Variants in NADK2 observed in about 807,000 individuals in gnomAD.
NADK2 encodes NAD kinase 2, mitochondrial.
NADK2 carries 35 observed loss-of-function variants against 62.1 expected under a neutral mutation model. That is an observed-to-expected ratio of 0.56 (90% CI 0.43 to 0.75). NADK2 has a LOEUF of 0.75. NADK2 is among the 30% of genes least tolerant of loss of function. The probability of loss-of-function intolerance (pLI) is 0.00; values close to 1 mark genes in which losing one functional copy is unlikely to be tolerated. For synonymous variants in NADK2, 205 were observed against 207.9 expected, an observed-to-expected ratio of 0.99 and a Z score of 0.12; for missense variants, 439 against 561.3, an observed-to-expected ratio of 0.78 and a Z score of 2.20.
chr5:36,217,388 A>C (rs964260905), intron 6 of NADK2, among the ~76,000 whole-genome samples: 2 of 152,154 alleles, frequency 1.3e-5, no homozygotes, highest in Admixed American at 6.5e-5. Context: ...TAACTATATA[A>C]CATGTATAAC....
In NADK2 at chr5:36,241,364, G is replaced by A. The variant is rs576449202; in HGVS notation, c.300+135C>T. ...CCAGGGAGAAGCCAGAGGACCTGGG[G>A]GCCGCGAGAGAGGCAGGACCGGCAT... On this transcript the variant is annotated intron_variant, in intron 1 of 11. Transcript: ENST00000381937. This position sits in a 1 kb window ranked among gnomAD's most constrained non-coding sequence, Gnocchi z 4.9. 32 of 1,338,628 alleles carry A rather than the reference G, an allele frequency of 2.4e-5. No homozygotes were observed. The South Asian group carries it at 5.1e-4, about 21-fold the overall frequency. 82.9% of individuals were successfully genotyped at this position (1,338,628 alleles called of 1,614,324 possible).
At position 36,205,722 on chromosome 5, in the gene NADK2, G is replaced by T. The variant is rs1458317570; in HGVS notation, c.956+1448C>A. Reference sequence around the variant, plus strand: ...AGCATAAATTAGTGCAACCATTGTGGAAGACAGTGTGGCGATTCCTCAAGG... The same window carrying T: ...AGCATAAATTAGTGCAACCATTGTGTAAGACAGTGTGGCGATTCCTCAAGG... On this transcript the variant is annotated intron_variant, in intron 8 of 11. Coordinates refer to ENST00000381937, the MANE Select transcript of NADK2 (RefSeq NM_001085411.3). This position sits in a 1 kb window ranked among gnomAD's most constrained non-coding sequence, Gnocchi z 4.1. Among the ~76,000 whole-genome samples the T allele has an allele frequency of 6.6e-6, 1 of 152,128 alleles. No homozygotes were observed. The highest frequency in any genetic ancestry group is 1.9e-4 in the East Asian group (1 of 5,192).
chr5:36,219,333 C>T (rs774866841), intron 5 of NADK2, among the ~76,000 whole-genome samples: 12 of 152,136 alleles, frequency 7.9e-5, no homozygotes, highest in Admixed American at 3.9e-4. Context: ...AACTCAGCCC[C>T]GCAAGTAGCT....
chr5:36,228,654 T>C (rs10079910), intron 1 of NADK2, among the ~76,000 whole-genome samples: 8,009 of 151,796 alleles, frequency 0.053, 457 homozygotes, highest in South Asian at 0.22. Context: ...GGTCTGGCTC[T>C]GTTGCCCAGG....
intron 11 of NADK2, 94 bp downstream of exon 11, chr5:36,197,447 C>A (rs1266852964): frequency 3.3e-6 from 5 of 1,521,228 alleles, no homozygotes; most frequent in Non-Finnish European, 4.5e-6. Flanking sequence ...TTTGAATGAG[C>A]AAATTTAATG....
chr5:36,223,592 A>G (rs143074848), intron 4 of NADK2, among the ~76,000 whole-genome samples: 1 of 152,364 alleles, frequency 6.6e-6, no homozygotes, highest in African/African-American at 2.4e-5. Flanking sequence ...TACAGTTGAA[A>G]TAAGGGAGCA....
At chr5:36,229,665 C>T (rs2112177498) in intron 1 of NADK2, among the ~76,000 whole-genome samples, 1 of 151,808 alleles carries the variant, frequency 6.6e-6, no homozygotes, top group South Asian at 2.1e-4. Flanking sequence ...TGATGATTCC[C>T]AACTGCTATC....
intron 4 of NADK2, among the ~76,000 whole-genome samples, chr5:36,220,748 T>C (rs1020469283): frequency 5.3e-5 from 8 of 152,154 alleles, no homozygotes; most frequent in Admixed American, 3.3e-4. Flanking sequence ...TCTCATGAGG[T>C]TACAGTCAGA....
At chr5:36,232,842 T>C (rs938077953) in intron 1 of NADK2, among the ~76,000 whole-genome samples, 2 of 152,202 alleles carry the variant, frequency 1.3e-5, no homozygotes, top group East Asian at 1.9e-4. Context: ...AAATCTATAC[T>C]GTTAGTCCAC....
At chr5:36,204,973 A>C (rs1746582511) in intron 8 of NADK2, among the ~76,000 whole-genome samples, 1 of 152,106 alleles carries the variant, frequency 6.6e-6, no homozygotes, top group Non-Finnish European at 1.5e-5. Flanking sequence ...CATGTTAAAC[A>C]AGTAGGAAAT....
At chr5:36,208,439 A>AG (rs1256921866) in intron 7 of NADK2, among the ~76,000 whole-genome samples, 1 of 152,090 alleles carries the variant, frequency 6.6e-6, no homozygotes, top group Non-Finnish European at 1.5e-5. Context: ...ATTAGAGGTA[A>AG]GGGGGCATGG....
At chr5:36,195,519 TCA>T (rs1321677078) in intron 11 of NADK2, among the ~76,000 whole-genome samples, 2 of 152,202 alleles carry the variant, frequency 1.3e-5, no homozygotes, top group African/African-American at 2.4e-5. Context: ...CTGACTGAAC[TCA>T]CAGGCTGTTT....
chr5:36,196,593 T>C (rs1435715068), intron 11 of NADK2, among the ~76,000 whole-genome samples: 1 of 152,170 alleles, frequency 6.6e-6, no homozygotes, highest in Non-Finnish European at 1.5e-5. Context: ...TTCTTAATGG[T>C]ATCTTTGGAT....
rs965215298 is a variant in NADK2 at position 36,241,032 on chromosome 5, G to C, written c.300+467C>G. Among the ~76,000 whole-genome samples, 2 of 152,256 alleles carry C rather than the reference G, an allele frequency of 1.3e-5. No homozygotes were observed. Among genetic ancestry groups the C allele is most frequent in the Non-Finnish European group, 1.5e-5 (1 of 68,004 alleles). The stretch of plus-strand genomic sequence containing the variant: ...GCGGTTGTTTCGGCCCTTTTCCCCC[G>C]GCAGCCCTCAGCGGCGCCCTGGGCC... On this transcript the variant is annotated intron_variant, in intron 1 of 11. Transcript: ENST00000381937. The surrounding 1 kb of genome is among the most constrained non-coding windows in gnomAD (Gnocchi z 4.9).
intron 4 of NADK2, among the ~76,000 whole-genome samples, chr5:36,224,896 G>T (rs375785018): frequency 4.6e-5 from 7 of 152,040 alleles, no homozygotes; most frequent in African/African-American, 1.7e-4. Flanking sequence ...ATTAAGATAG[G>T]TCTTTTTATT....
In NADK2 at chr5:36,225,567, T is replaced by C. The variant is rs1411048646; in HGVS notation, c.535A>G (p.Ile179Val). 2 of 1,613,876 alleles carry C rather than the reference T, an allele frequency of 1.2e-6. No individual in the cohort carries two copies. Among genetic ancestry groups the C allele is most frequent in the African/African-American group, 1.3e-5 (1 of 75,062 alleles). The change falls in exon 4 of 12, where the codon ATA becomes GTA. Residue 179 changes from isoleucine to valine, a missense_variant. By Grantham distance (29) the Ile-to-Val change is conservative (BLOSUM62 3). Transcript: ENST00000381937. Reference protein sequence around the residue: ...SKVLDRLKPVIGVNTDPERSE... With the variant: ...SKVLDRLKPVVGVNTDPERSE... ...CGTTCTGGATCAGTGTTTACCCCTA[T>C]AACTGGTTTAAGTCTGTCCAAGACT...
intron 1 of NADK2, among the ~76,000 whole-genome samples, chr5:36,237,980 A>G (rs892046246): frequency 2.0e-5 from 3 of 152,116 alleles, no homozygotes; most frequent in Non-Finnish European, 2.9e-5. Context: ...GTTCCAAGCA[A>G]AAGAGAGAAA....
chr5:36,219,752 A>G, intron 4 of NADK2, 73 bp from the exon 5 acceptor site: 1 of 1,093,166 alleles, frequency 9.1e-7, no homozygotes, highest in Non-Finnish European at 1.4e-6. Context: ...AATTTAATCA[A>G]AAGGTATCAC....
chr5:36,197,622 T>C lies in NADK2; in HGVS notation c.1109A>G (p.Glu370Gly), dbSNP rs1003452764. ...YNESLLYSPEEPKILFSIREP... is the reference protein window; with the variant it reads ...YNESLLYSPEGPKILFSIREP... ...TCGAATACTGAAAAGTATTTTTGGT[T>C]CTTCCGGACTGTAGAGCAGTGATTC... The change falls in exon 11 of 12, where the codon GAA becomes GGA. Residue 370 changes from glutamate (E) to glycine (G), a missense_variant. Coordinates refer to ENST00000381937, the MANE Select transcript of NADK2 (RefSeq NM_001085411.3). 1 of 1,610,246 alleles carries C rather than the reference T, an allele frequency of 6.2e-7. No individual in the cohort carries two copies. Among genetic ancestry groups the C allele is most frequent in the African/African-American group, 1.3e-5 (1 of 74,792 alleles).
Sources: gnomAD v4.1 joint callset for allele counts (sites outside exome capture counted in the v4.1 genomes callset) on GRCh38, gnomAD v4.1.1 for gene constraint, Gnocchi (gnomAD v3.1) non-coding constraint, MANE v1.5 for transcripts, NCBI Gene and HGNC (gene_info 2026-07-23, HGNC 2026-07-21) for gene names.